Variants in SOX5 observed in about 807,000 individuals in gnomAD.
SOX5 encodes SRY-box transcription factor 5.
Under a neutral mutation model 92.0 loss-of-function variants are expected in SOX5, and 9 were observed. The observed-to-expected ratio is 0.10, with a 90% CI of 0.06 to 0.17. The LOEUF is 0.17. Ranked by LOEUF, SOX5 falls within the 10% of genes least tolerant of loss-of-function variation. The pLI, the probability that SOX5 is intolerant of heterozygous loss-of-function variation, is 1.00. For missense variants in SOX5, 642 were observed against 944.5 expected (o/e 0.68, Z 4.20); for synonymous variants, 344 against 336.3 (o/e 1.02, Z -0.25).
intron 4 of SOX5, among the ~76,000 whole-genome samples, chr12:23,998,391 A>G (rs1951238253): frequency 1.3e-5 from 2 of 152,146 alleles, no homozygotes; most frequent in East Asian, 3.8e-4. Flanking sequence ...TTATCTTAAG[A>G]AGGTTAGAAG....
intron 1 of SOX5, among the ~76,000 whole-genome samples, chr12:23,940,542 C>T (rs1478215559): frequency 1.3e-5 from 2 of 151,184 alleles, no homozygotes; most frequent in East Asian, 1.9e-4. Flanking sequence ...ATTATCCATC[C>T]TATCTTCTAA....
At chr12:23,559,228 A>C (rs1307059190) in intron 11 of SOX5, among the ~76,000 whole-genome samples, 2 of 152,202 alleles carry the variant, frequency 1.3e-5, no homozygotes, top group Non-Finnish European at 2.9e-5. Context: ...TAATGAAGCA[A>C]AGTGTGTTTT....
At chr12:23,683,473 A>C (rs961764293) in intron 6 of SOX5, among the ~76,000 whole-genome samples, 2 of 151,880 alleles carry the variant, frequency 1.3e-5, no homozygotes, top group African/African-American at 4.8e-5. Context: ...TTCATCTTTT[A>C]AAACTACTGT....
At chr12:23,828,130 C>G (rs2096261560) in intron 3 of SOX5, among the ~76,000 whole-genome samples, 1 of 152,144 alleles carries the variant, frequency 6.6e-6, no homozygotes, top group African/African-American at 2.4e-5. Flanking sequence ...TACACAAATA[C>G]TTACTTTTTT....
chr12:23,765,307 G>T (rs1287147302), intron 3 of SOX5, among the ~76,000 whole-genome samples: 1 of 126,984 alleles, frequency 7.9e-6, no homozygotes, highest in Non-Finnish European at 1.6e-5. Flanking sequence ...CACAAACTTC[G>T]ATACGATCTA....
intron 7 of SOX5, among the ~76,000 whole-genome samples, chr12:23,644,223 T>C (rs1442347016): frequency 2.6e-5 from 4 of 152,192 alleles, no homozygotes; most frequent in Admixed American, 6.5e-5. Context: ...ACAGATGTTT[T>C]TGGCCAATAG....
At chr12:23,743,971 C>T (rs1197898414) in intron 4 of SOX5, among the ~76,000 whole-genome samples, 2 of 152,148 alleles carry the variant, frequency 1.3e-5, no homozygotes, top group Admixed American at 6.5e-5. Flanking sequence ...GTCATAAAGA[C>T]ATAAATAAGA....
chr12:24,235,670 T>C (rs1039942710), intron 3 of SOX5, among the ~76,000 whole-genome samples: 1 of 152,244 alleles, frequency 6.6e-6, no homozygotes, highest in African/African-American at 2.4e-5. Context: ...AACTTAATTT[T>C]TTATGAATTT....
chr12:23,543,623 A>G (rs967926642), intron 12 of SOX5, among the ~76,000 whole-genome samples: 5 of 152,140 alleles, frequency 3.3e-5, no homozygotes, highest in Non-Finnish European at 7.3e-5. Context: ...CTTTCAATGG[A>G]CTGTTTCACC....
At chr12:24,292,044 T>G (rs1346813773) in intron 2 of SOX5, among the ~76,000 whole-genome samples, 1 of 152,238 alleles carries the variant, frequency 6.6e-6, no homozygotes, top group Non-Finnish European at 1.5e-5. Context: ...CAAGGCACTA[T>G]GACAGGCTTG....
intron 2 of SOX5, among the ~76,000 whole-genome samples, chr12:23,882,601 T>C (rs1031318031): frequency 6.6e-6 from 1 of 152,168 alleles, no homozygotes; most frequent in Non-Finnish European, 1.5e-5. Flanking sequence ...ATTCGATTTA[T>C]TGGAGTAAGT....
chr12:24,137,292 T>C (rs931269366), intron 4 of SOX5, among the ~76,000 whole-genome samples: 1 of 152,002 alleles, frequency 6.6e-6, no homozygotes, highest in Non-Finnish European at 1.5e-5. Flanking sequence ...ACTGAGGAGG[T>C]ACAAGGTTGG....
chr12:24,177,474 G>A (rs1261367999), intron 4 of SOX5, among the ~76,000 whole-genome samples: 1 of 152,152 alleles, frequency 6.6e-6, no homozygotes, highest in Non-Finnish European at 1.5e-5. Flanking sequence ...AGGAGCCTGA[G>A]TGCCAGGATA....
At chr12:24,165,557 A>G (rs1953299658) in intron 4 of SOX5, among the ~76,000 whole-genome samples, 1 of 152,294 alleles carries the variant, frequency 6.6e-6, no homozygotes, top group South Asian at 2.1e-4. Context: ...AATGTATGTG[A>G]CACTTCTATT....
chr12:23,597,379 C>T (rs1020319817), intron 9 of SOX5, among the ~76,000 whole-genome samples: 1 of 152,094 alleles, frequency 6.6e-6, no homozygotes, highest in Non-Finnish European at 1.5e-5. Flanking sequence ...GAATATTTCA[C>T]CTAATGATCT....
At chr12:23,767,215 A>AACACACAC (rs35485466) in intron 3 of SOX5, among the ~76,000 whole-genome samples, 2 of 137,806 alleles carry the variant, frequency 1.5e-5, no homozygotes, top group African/African-American at 2.6e-5. Context: ...AAAAAACAGA[A>AACACACAC]ACACACACAC....
intron 9 of SOX5, among the ~76,000 whole-genome samples, chr12:23,600,797 C>T (rs1344533088): frequency 6.6e-6 from 1 of 151,748 alleles, no homozygotes; most frequent in Non-Finnish European, 1.5e-5. Context: ...TGTGAGTCCT[C>T]TAAAGGTTTC....
intron 1 of SOX5, among the ~76,000 whole-genome samples, chr12:23,931,769 T>C (rs1364834652): frequency 6.6e-6 from 1 of 151,726 alleles, no homozygotes; most frequent in East Asian, 1.9e-4. Flanking sequence ...GCATCTAGCA[T>C]TTTTTCATAA....
chr12:24,094,065 G>T (rs913517149), intron 4 of SOX5, among the ~76,000 whole-genome samples: 39 of 152,206 alleles, frequency 2.6e-4, no homozygotes, highest in South Asian at 2.1e-4. Context: ...TCCCGCCTCA[G>T]CCTCCTGAGT....
Sources: gnomAD v4.1 joint callset for allele counts (sites outside exome capture counted in the v4.1 genomes callset) on GRCh38, gnomAD v4.1.1 for gene constraint, MANE v1.5 for transcripts, NCBI Gene and HGNC (gene_info 2026-07-23, HGNC 2026-07-21) for gene names.